The following UTRN variants were observed in gnomAD, a reference collection of about 807,000 sequenced individuals.
UTRN encodes the protein dystrophin-related protein 1.
Under a neutral mutation model 463.9 loss-of-function variants are expected in UTRN, and 283 were observed. The ratio of observed to expected loss-of-function variants is 0.61; its 90% confidence interval spans 0.55 to 0.67. The LOEUF is 0.67. UTRN is among the 30% of genes least tolerant of loss of function. The pLI is 0.00. For missense variants in UTRN, 3,922 were observed against 4,084.3 expected (o/e 0.96, Z 1.08); for synonymous variants, 1,442 against 1,431.5 (o/e 1.01, Z -0.17).
intron 51 of UTRN, among the ~76,000 whole-genome samples, chr6:144,627,354 A>G (rs1327526195): frequency 6.6e-6 from 1 of 152,220 alleles, no homozygotes; most frequent in Non-Finnish European, 1.5e-5. Context: ...TGTGATTCAG[A>G]TAAGAGGCGT....
rs756696955 is a variant in UTRN, at chr6:144,426,334, C to T, written c.453C>T (p.Asn151=). ...TCATGTCGGACCTGCAGCAGACGAA[C>T]AGTGAGAAGATCCTGCTCAGCTGGG... ...KDVMSDLQQT[N]SEKILLSWVR... is the part of the protein sequence containing the mutation. The change falls in exon 7 of 75, where the codon AAC becomes AAT. Residue 151 remains asparagine (N), a synonymous_variant. Transcript: ENST00000367545. The T allele has an allele frequency of 7.7e-5, 124 of 1,613,998 alleles. No individual in the cohort carries two copies. Among genetic ancestry groups the T allele is most frequent in the Non-Finnish European group, 1.0e-4 (121 of 1,180,010 alleles).
At chr6:144,707,525 T>C (rs1402450072) in intron 53 of UTRN, among the ~76,000 whole-genome samples, 3 of 152,184 alleles carry the variant, frequency 2.0e-5, no homozygotes, top group African/African-American at 7.2e-5. Context: ...AGAATTGGTA[T>C]AGATCAGTTG....
intron 37 of UTRN, 104 bp from the exon 38 acceptor site, chr6:144,516,125 C>A: frequency 8.6e-7 from 1 of 1,160,522 alleles, no homozygotes; most frequent in Non-Finnish European, 1.2e-6. Context: ...ATAGAAAAGT[C>A]AGTTAAAAAA....
At chr6:144,692,364 G>T (rs1562774309) in intron 52 of UTRN, among the ~76,000 whole-genome samples, 2 of 152,194 alleles carry the variant, frequency 1.3e-5, no homozygotes, top group South Asian at 2.1e-4. Flanking sequence ...ACATATGCAT[G>T]TGTCTTTATA....
In UTRN at chr6:144,839,244, G is replaced by A. The variant is rs116654180; in HGVS notation, c.10137G>A (p.Ser3379=). ...CTCAGCATTCTGCACTGAGCTACTC[G>A]CTTGATCCAGATGCCTCCGGCCCAC... The part of the protein sequence containing the change: ...ASPQHSALSY[S]LDPDASGPQF... Residue 3379 remains serine (S), a synonymous_variant, in exon 72 of 75, where the codon TCG becomes TCA. Transcript: ENST00000367545. 24 of 1,613,720 alleles carry A rather than the reference G, an allele frequency of 1.5e-5. No individual in the cohort carries two copies. The highest frequency in any genetic ancestry group is 1.1e-4 in the East Asian group (5 of 44,866).
chr6:144,458,595 T>C (rs1269267987), intron 19 of UTRN, among the ~76,000 whole-genome samples, 175 bp from the exon 20 acceptor site: 1 of 152,222 alleles, frequency 6.6e-6, no homozygotes, highest in Non-Finnish European at 1.5e-5. Flanking sequence ...GAAATAAACA[T>C]CATTATTTTT....
intron 65 of UTRN, among the ~76,000 whole-genome samples, chr6:144,812,124 T>C (rs1778670109): frequency 6.6e-6 from 1 of 152,218 alleles, no homozygotes; most frequent in Non-Finnish European, 1.5e-5. Context: ...GTGGGGAGAA[T>C]TAAAACAAAT....
chr6:144,762,302 G>GAGGAC lies in UTRN; in HGVS notation c.8495+4314_8495+4318dup, dbSNP rs201689007. ...CCTGGCCCCAATATTAGTTGAGTCA[G>GAGGAC]AGGACGGAAGTTTTTAGTCCCATGG... On this transcript the variant is annotated intron_variant, in intron 58 of 74. Coordinates refer to ENST00000367545, the MANE Select transcript of UTRN (RefSeq NM_007124.3). 1.6e-3 allele frequency among the ~76,000 whole-genome samples: 238 copies of GAGGAC among 152,314 alleles called. 2 individuals carry two copies. The East Asian group carries it at 0.038, about 24-fold the overall frequency.
chr6:144,458,759 T>C lies in UTRN; in HGVS notation c.2285-11T>C. 6.4e-7 allele frequency: 1 copy of C among 1,571,896 alleles called. No individual in the cohort carries two copies. The highest frequency in any genetic ancestry group is 8.6e-7 in the Non-Finnish European group (1 of 1,165,298). On this transcript the variant is annotated splice_polypyrimidine_tract_variant and intron_variant, in intron 19 of 74. Coordinates refer to ENST00000367545, the MANE Select transcript of UTRN (RefSeq NM_007124.3). Reference sequence around the variant, plus strand: ...ATATAGACTGTTTGCTTGTTTTTCATGTCTGCATAGAAGGCCTTCCTACTG... The same window carrying C: ...ATATAGACTGTTTGCTTGTTTTTCACGTCTGCATAGAAGGCCTTCCTACTG...
At chr6:144,579,447 G>T (rs939183291) in intron 51 of UTRN, among the ~76,000 whole-genome samples, 2 of 152,144 alleles carry the variant, frequency 1.3e-5, no homozygotes, top group Non-Finnish European at 2.9e-5. Context: ...TATACACAAT[G>T]AATAAAGGAG....
In UTRN at chr6:144,437,882, G is replaced by T. The variant is rs1786737044; in HGVS notation, c.1241+136G>T. The stretch of plus-strand genomic sequence containing the variant: ...GGAAAAGTAAGACTCTTTTCTACGG[G>T]TAATATTGCTGGAATTCTGCATGAT... On this transcript the variant is annotated intron_variant, in intron 11 of 74. Transcript: ENST00000367545. The T allele has an allele frequency of 3.7e-6, 3 of 818,822 alleles. No individual in the cohort carries two copies. The South Asian group carries it at 7.6e-5, about 21-fold the overall frequency. The allele number at this position is 818,822 out of a possible 1,614,324, so 50.7% of individuals were successfully genotyped here. A position where few individuals can be genotyped will look rare whatever the true frequency, so the allele number is the denominator to read the frequency against.
At chr6:144,760,655 C>G (rs1319843981) in intron 58 of UTRN, among the ~76,000 whole-genome samples, 1 of 152,032 alleles carries the variant, frequency 6.6e-6, no homozygotes, top group Non-Finnish European at 1.5e-5. Flanking sequence ...ATTTAATTCC[C>G]AAATTAATAA....
At chr6:144,595,471 G>A (rs1211164922) in intron 51 of UTRN, among the ~76,000 whole-genome samples, 5 of 152,186 alleles carry the variant, frequency 3.3e-5, no homozygotes, top group African/African-American at 4.8e-5. Flanking sequence ...TTTCTGCAAT[G>A]CAGGGTCAGT....
intron 51 of UTRN, among the ~76,000 whole-genome samples, chr6:144,577,649 A>G (rs893772551): frequency 1.3e-5 from 2 of 152,118 alleles, no homozygotes; most frequent in African/African-American, 4.8e-5. Flanking sequence ...TTTATTATAC[A>G]TACTTAATAT....
chr6:144,680,269 A>G (rs974965218), intron 52 of UTRN, among the ~76,000 whole-genome samples: 3 of 152,188 alleles, frequency 2.0e-5, no homozygotes, highest in Non-Finnish European at 4.4e-5. Flanking sequence ...ATTCTAAGTA[A>G]AAAGTTACAG....
At position 144,700,143 on chromosome 6, in the gene UTRN, A is replaced by G; in HGVS notation, c.7709A>G (p.Glu2570Gly). The G allele has an allele frequency of 6.2e-7, 1 of 1,613,648 alleles. No individual in the cohort carries two copies. The highest frequency in any genetic ancestry group is 8.5e-7 in the Non-Finnish European group (1 of 1,179,704). ...KWNRLLMSLE[E>G]LIKWLNMKDE... Reference sequence around the variant, plus strand: ...AACAGGTTGCTGATGTCCTTAGAAGAACTGATCAAATGGCTGAATATGAAA... The same window carrying G: ...AACAGGTTGCTGATGTCCTTAGAAGGACTGATCAAATGGCTGAATATGAAA... The change falls in exon 53 of 75, where the codon GAA becomes GGA. Residue 2570 changes from glutamate to glycine, a missense_variant. Physicochemically the swap from Glu to Gly is moderately conservative, Grantham distance 98. Around this residue, in one of 3 missense-constraint regions of UTRN, gnomAD observed 1,309 missense variants for 1,452.6 expected, o/e 0.90. Coordinates refer to ENST00000367545, the MANE Select transcript of UTRN (RefSeq NM_007124.3).
chr6:144,807,692 A>T (rs1158671195), intron 65 of UTRN, among the ~76,000 whole-genome samples: 1 of 152,108 alleles, frequency 6.6e-6, no homozygotes, highest in Non-Finnish European at 1.5e-5. Flanking sequence ...TCATCAAAGC[A>T]CTTAGTTCAG....
intron 58 of UTRN, among the ~76,000 whole-genome samples, chr6:144,764,384 T>C (rs912091077): frequency 2.0e-5 from 3 of 152,204 alleles, no homozygotes; most frequent in Non-Finnish European, 4.4e-5. Flanking sequence ...CATTAGGTAG[T>C]TAAGGACTTA....
chr6:144,557,134 A>C, intron 49 of UTRN, 23 bp from the exon 50 acceptor site: 1 of 1,606,888 alleles, frequency 6.2e-7, no homozygotes. Context: ...AGTCTAACAA[A>C]CAGACCTGCA....
Sources: gnomAD v4.1 joint callset for allele counts (sites outside exome capture counted in the v4.1 genomes callset) on GRCh38, gnomAD v4.1.1 for gene constraint, gnomAD v4.1.1 regional missense constraint, MANE v1.5 for transcripts, NCBI Gene and HGNC (gene_info 2026-07-23, HGNC 2026-07-21) for gene names.